PDZD8: variants seen among roughly 807,000 people sequenced by gnomAD.
PDZD8 encodes PDZ domain-containing protein 8.
Under a neutral mutation model 85.8 loss-of-function variants are expected in PDZD8, and 14 were observed. The observed-to-expected ratio is 0.16, with a 90% CI of 0.11 to 0.26. PDZD8 has a LOEUF of 0.26. Among genes scored for constraint, PDZD8 ranks in the 10% least tolerant of loss-of-function variants. The pLI, the probability that PDZD8 is intolerant of heterozygous loss-of-function variation, is 1.00. For synonymous variants in PDZD8, 592 were observed against 568.6 expected, an observed-to-expected ratio of 1.04 and a Z score of -0.59; for missense variants, 1,197 against 1,424.3, an observed-to-expected ratio of 0.84 and a Z score of 2.57.
intron 1 of PDZD8, among the ~76,000 whole-genome samples, chr10:117,372,876 C>T (rs1374064877): frequency 2.0e-5 from 3 of 152,156 alleles, no homozygotes; most frequent in African/African-American, 7.2e-5. Flanking sequence ...AGTCAATAAT[C>T]CATTCCAAAC....
chr10:117,324,819 C>CT (rs529471061), intron 2 of PDZD8, among the ~76,000 whole-genome samples: 11 of 151,976 alleles, frequency 7.2e-5, no homozygotes, highest in Admixed American at 5.2e-4. Flanking sequence ...TTTAAAGAAA[C>CT]TTTTTTTTCT....
chr10:117,333,480 C>A (rs1184651610), intron 2 of PDZD8, among the ~76,000 whole-genome samples: 1 of 152,090 alleles, frequency 6.6e-6, no homozygotes, highest in Non-Finnish European at 1.5e-5. Context: ...CACCCACATA[C>A]CAACTACTCA....
chr10:117,341,329 G>A (rs1844608747), intron 1 of PDZD8, among the ~76,000 whole-genome samples: 2 of 152,142 alleles, frequency 1.3e-5, no homozygotes, highest in Admixed American at 1.3e-4. Context: ...GATAAGGCAA[G>A]AGAGAACAAA....
At chr10:117,366,333 T>C (rs1845089199) in intron 1 of PDZD8, among the ~76,000 whole-genome samples, 2 of 152,108 alleles carry the variant, frequency 1.3e-5, no homozygotes, top group East Asian at 1.9e-4. Flanking sequence ...TGCAGAAAAT[T>C]TGTTTTCTGC....
chr10:117,278,070 A>C lies in PDZD8; in HGVS notation c.*5198T>G, dbSNP rs1244235399. Reference sequence around the variant, plus strand: ...TTACTGGATGAAGAAAATTGAGGGTACATGTACCTTATACTGTCAAGGTTG... The same window carrying C: ...TTACTGGATGAAGAAAATTGAGGGTCCATGTACCTTATACTGTCAAGGTTG... On this transcript the variant is annotated 3_prime_UTR_variant, in exon 5 of 5. Transcript: ENST00000334464. 1.5e-4 allele frequency: 23 copies of C among 152,192 alleles called. No homozygotes were observed. 9.4% of individuals were successfully genotyped at this position (152,192 alleles called of 1,614,324 possible).
intron 1 of PDZD8, among the ~76,000 whole-genome samples, chr10:117,369,718 C>T (rs556619111): frequency 7.2e-5 from 11 of 152,170 alleles, no homozygotes; most frequent in Admixed American, 5.2e-4. Flanking sequence ...GCTTACACAC[C>T]GAGTTTCAAC....
intron 2 of PDZD8, among the ~76,000 whole-genome samples, chr10:117,340,377 C>T (rs1257360987): frequency 6.6e-6 from 1 of 152,182 alleles, no homozygotes; most frequent in Non-Finnish European, 1.5e-5. Context: ...TCTGATCGTC[C>T]TTTACCATCC....
chr10:117,316,286 G>T (rs1228850424), intron 3 of PDZD8, among the ~76,000 whole-genome samples: 1 of 152,036 alleles, frequency 6.6e-6, no homozygotes, highest in Non-Finnish European at 1.5e-5. Flanking sequence ...TTCTAATAAG[G>T]TATTTCTAAA....
chr10:117,306,683 T>C (rs1002250997), intron 3 of PDZD8, among the ~76,000 whole-genome samples: 4 of 152,046 alleles, frequency 2.6e-5, no homozygotes, highest in Admixed American at 2.0e-4. Context: ...ATAAGGTTTT[T>C]TTTTAAAAAA....
chr10:117,296,263 T>C (rs1387771550), intron 3 of PDZD8, among the ~76,000 whole-genome samples: 1 of 152,026 alleles, frequency 6.6e-6, no homozygotes, highest in African/African-American at 2.4e-5. Flanking sequence ...TACAATAGTA[T>C]TAAAAATATT....
In PDZD8 at chr10:117,374,259, A is replaced by G. The variant is rs1327149493; in HGVS notation, c.872+97T>C. 5 of 1,526,574 alleles carry G rather than the reference A, an allele frequency of 3.3e-6. No individual in the cohort carries two copies. The highest frequency in any genetic ancestry group is 3.5e-6 in the Non-Finnish European group (4 of 1,134,184). The allele number at this position is 1,526,574 out of a possible 1,614,324, so 94.6% of individuals were successfully genotyped here. The stretch of plus-strand genomic sequence containing the variant: ...TGGGAAGGCCCCAGAAGCAGGCGCC[A>G]GGACAGAAATGAGCCTTTGCCCTTC... On this transcript the variant is annotated intron_variant, in intron 1 of 4. Transcript: ENST00000334464. The surrounding 1 kb of genome is among the most constrained non-coding windows in gnomAD (Gnocchi z 7.8).
At position 117,277,302 on chromosome 10, in the gene PDZD8, G is replaced by A. The variant is rs778764888; in HGVS notation, c.*5966C>T. 3.1e-6 allele frequency: 4 copies of A among 1,290,984 alleles called. No homozygotes were observed. Among genetic ancestry groups the A allele is most frequent in the Admixed American group, 3.5e-5 (2 of 57,186 alleles). 80.0% of individuals were successfully genotyped at this position (1,290,984 alleles called of 1,614,324 possible). On this transcript the variant is annotated 3_prime_UTR_variant, in exon 5 of 5. Coordinates refer to ENST00000334464, the MANE Select transcript of PDZD8 (RefSeq NM_173791.5). ...TCAAAAATCATCAAAGTGTTTAATT[G>A]TATAAAACAGTGTTTCCAGTGACAC...
chr10:117,315,587 C>CAAAA lies in PDZD8; in HGVS notation c.1098+3281_1098+3284dup, dbSNP rs35866840. ...TCTGGGCGACAGAGCTAGACTCTCT[C>CAAAA]AAAAAAAAAAAAAAAAAAAAAAAAA... On this transcript the variant is annotated intron_variant, in intron 3 of 4. Transcript: ENST00000334464. Among the ~76,000 whole-genome samples, 256 of 42,040 alleles carry CAAAA rather than the reference C, an allele frequency of 6.1e-3. 13 individuals carry two copies. Among genetic ancestry groups the CAAAA allele is most frequent in the African/African-American group, 0.018 (225 of 12,588 alleles). The allele number at this position is 42,040 out of a possible 152,430, so 27.6% of individuals were successfully genotyped here.
chr10:117,333,882 C>T (rs1192543517), intron 2 of PDZD8, among the ~76,000 whole-genome samples: 1 of 152,108 alleles, frequency 6.6e-6, no homozygotes, highest in Non-Finnish European at 1.5e-5. Context: ...ATTTTCTTTG[C>T]CTTAAAAGAT....
chr10:117,354,258 T>C (rs533067692), intron 1 of PDZD8, among the ~76,000 whole-genome samples: 10 of 152,362 alleles, frequency 6.6e-5, no homozygotes, highest in Admixed American at 4.6e-4. Flanking sequence ...ACAAAGCCTC[T>C]ACCTTTTGTT....
In PDZD8 at chr10:117,318,660, G is replaced by A. The variant is rs983744381; in HGVS notation, c.1098+212C>T. ...TCTGAAAGGAAAGCTAGTCGGACTA[G>A]GTTTCTTGTGCAGGTAATATGAATA... is the stretch of plus-strand genomic sequence containing the variant. On this transcript the variant is annotated intron_variant, in intron 3 of 4. Coordinates refer to ENST00000334464, the MANE Select transcript of PDZD8 (RefSeq NM_173791.5). Among the ~76,000 whole-genome samples the A allele has an allele frequency of 5.9e-5, 9 of 152,252 alleles. No individual in the cohort carries two copies. In the East Asian group the frequency reaches 1.5e-3, roughly 26 times the overall value.
intron 1 of PDZD8, among the ~76,000 whole-genome samples, chr10:117,370,914 T>TTGTG (rs1477703831): frequency 1.8e-5 from 2 of 108,576 alleles, no homozygotes; most frequent in African/African-American, 7.7e-5. Context: ...AAGAACAACA[T>TTGTG]AGTTTGTGTG....
chr10:117,332,583 C>T (rs369857970), intron 2 of PDZD8, among the ~76,000 whole-genome samples: 3 of 146,120 alleles, frequency 2.1e-5, no homozygotes, highest in East Asian at 4.2e-4. Context: ...CTTGACTCAC[C>T]GCAACCTCCG....
intron 1 of PDZD8, among the ~76,000 whole-genome samples, chr10:117,355,443 TA>T (rs920060438): frequency 2.0e-5 from 3 of 152,184 alleles, no homozygotes; most frequent in Non-Finnish European, 4.4e-5. Context: ...TCCTCCCAAC[TA>T]AATTGTGAGT....
Sources: allele counts gnomAD v4.1 joint callset (sites outside exome capture counted in the v4.1 genomes callset), GRCh38; gene constraint gnomAD v4.1.1; non-coding constraint Gnocchi (gnomAD v3.1); transcripts MANE v1.5; gene names NCBI Gene and HGNC (gene_info 2026-07-23, HGNC 2026-07-21).